Variants in KIAA1958 observed in about 807,000 individuals in gnomAD.
KIAA1958 encodes uncharacterized protein KIAA1958.
A neutral mutation model predicts 47.2 loss-of-function variants in KIAA1958; 14 were observed. The observed-to-expected ratio is 0.30, with a 90% CI of 0.20 to 0.46. The LOEUF is 0.46. KIAA1958 is among the 20% of genes least tolerant of loss of function. The probability of loss-of-function intolerance (pLI) is 1.00; values close to 1 mark genes in which losing one functional copy is unlikely to be tolerated. For missense variants in KIAA1958, 803 were observed against 909.2 expected, an observed-to-expected ratio of 0.88 and a Z score of 1.50; for synonymous variants, 354 against 353.3, an observed-to-expected ratio of 1.00 and a Z score of -0.02.
chr9:112,653,258 G>A (rs1427928385), intron 3 of KIAA1958, among the ~76,000 whole-genome samples: 1 of 152,138 alleles, frequency 6.6e-6, no homozygotes, highest in African/African-American at 2.4e-5. Flanking sequence ...AAGGTCTTAT[G>A]GTTTCTAGTT....
intron 3 of KIAA1958, among the ~76,000 whole-genome samples, chr9:112,652,576 G>C (rs947561543): frequency 6.6e-6 from 1 of 152,118 alleles, no homozygotes. Context: ...AGCTTGGTTC[G>C]CCTGGCACTA....
chr9:112,643,547 T>TG (rs1833632564), intron 2 of KIAA1958, among the ~76,000 whole-genome samples: 1 of 152,196 alleles, frequency 6.6e-6, no homozygotes, highest in Non-Finnish European at 1.5e-5. Flanking sequence ...TCCAGGTTGA[T>TG]GGGGTGGTGA....
intron 1 of KIAA1958, among the ~76,000 whole-genome samples, chr9:112,500,891 T>A (rs150727015): frequency 2.0e-5 from 3 of 151,978 alleles, no homozygotes; most frequent in Non-Finnish European, 4.4e-5. Context: ...GGAGGATTGC[T>A]TGATCCCAGG....
intron 1 of KIAA1958, among the ~76,000 whole-genome samples, chr9:112,505,368 A>G (rs1190807897): frequency 6.6e-6 from 1 of 152,212 alleles, no homozygotes; most frequent in Non-Finnish European, 1.5e-5. Context: ...AAATGAGTAT[A>G]ATACTAAGTA....
intron 2 of KIAA1958, chr9:112,617,950 T>C (rs1483943256): frequency 3.9e-6 from 6 of 1,550,448 alleles, no homozygotes; most frequent in Admixed American, 2.0e-5. Context: ...CGCTCCGCAA[T>C]TTCCGTGAGT....
chr9:112,629,188 G>A (rs1836668269), intron 2 of KIAA1958, among the ~76,000 whole-genome samples: 1 of 151,970 alleles, frequency 6.6e-6, no homozygotes, highest in Non-Finnish European at 1.5e-5. Flanking sequence ...TTAAGGCCAG[G>A]CATCTGCTTG....
chr9:112,549,523 T>C (rs574311126), intron 1 of KIAA1958, among the ~76,000 whole-genome samples: 2 of 152,330 alleles, frequency 1.3e-5, no homozygotes, highest in East Asian at 3.9e-4. Context: ...TCCACAAGTA[T>C]TTATTGATGC....
intron 1 of KIAA1958, among the ~76,000 whole-genome samples, chr9:112,506,508 T>G (rs1469297403): frequency 2.0e-5 from 3 of 152,274 alleles, no homozygotes; most frequent in Non-Finnish European, 4.4e-5. Flanking sequence ...TTCATGGTAA[T>G]TAAGGATAAT....
chr9:112,554,270 C>T (rs1386469592), intron 1 of KIAA1958, among the ~76,000 whole-genome samples: 2 of 152,046 alleles, frequency 1.3e-5, no homozygotes, highest in Non-Finnish European at 2.9e-5. Context: ...GAGGCCGAGG[C>T]GGGCGGATCA....
chr9:112,493,312 G>T (rs1396467127), intron 1 of KIAA1958, among the ~76,000 whole-genome samples: 2 of 152,054 alleles, frequency 1.3e-5, no homozygotes, highest in Non-Finnish European at 2.9e-5. Flanking sequence ...TACTACGACT[G>T]GATATATTCA....
intron 2 of KIAA1958, among the ~76,000 whole-genome samples, chr9:112,643,674 G>C (rs1285526586): frequency 6.6e-6 from 1 of 152,104 alleles, no homozygotes; most frequent in Non-Finnish European, 1.5e-5. Context: ...GCAGGATCAA[G>C]ATTGAAAGCA....
At chr9:112,497,623 A>G (rs1438099588) in intron 1 of KIAA1958, among the ~76,000 whole-genome samples, 2 of 152,054 alleles carry the variant, frequency 1.3e-5, no homozygotes, top group East Asian at 1.9e-4. Flanking sequence ...TCTTATTCAG[A>G]TTTCCAGTTT....
chr9:112,572,005 A>G (rs890435779), intron 1 of KIAA1958, among the ~76,000 whole-genome samples: 2 of 151,704 alleles, frequency 1.3e-5, no homozygotes, highest in Non-Finnish European at 2.9e-5. Flanking sequence ...TAGTCCTGGC[A>G]TTGTAGGCTT....
At chr9:112,576,410 G>A (rs1835646956) in intron 2 of KIAA1958, among the ~76,000 whole-genome samples, 1 of 152,028 alleles carries the variant, frequency 6.6e-6, no homozygotes, top group African/African-American at 2.4e-5. Context: ...AGTTCAGTGG[G>A]TTTTGGTGTA....
At chr9:112,546,518 C>T (rs976941028) in intron 1 of KIAA1958, among the ~76,000 whole-genome samples, 1 of 151,904 alleles carries the variant, frequency 6.6e-6, no homozygotes, top group Non-Finnish European at 1.5e-5. Flanking sequence ...ACTCTGTTGC[C>T]CAGGCTGGAG....
chr9:112,634,686 C>T (rs1247817817), intron 2 of KIAA1958, among the ~76,000 whole-genome samples: 1 of 152,160 alleles, frequency 6.6e-6, no homozygotes, highest in Non-Finnish European at 1.5e-5. Context: ...GATAAATGTA[C>T]CACAACATCT....
intron 1 of KIAA1958, among the ~76,000 whole-genome samples, chr9:112,558,081 C>T (rs902643934): frequency 4.6e-5 from 7 of 151,896 alleles, no homozygotes; most frequent in Middle Eastern, 3.2e-3. Context: ...AAAAATTAGC[C>T]GGGCATCGTG....
At chr9:112,620,582 C>G (rs1349067054) in intron 2 of KIAA1958, among the ~76,000 whole-genome samples, 1 of 152,102 alleles carries the variant, frequency 6.6e-6, no homozygotes, top group Non-Finnish European at 1.5e-5. Flanking sequence ...GACTTTGTGT[C>G]GTGGAGTTAA....
intron 3 of KIAA1958, among the ~76,000 whole-genome samples, chr9:112,649,669 C>T (rs1479563774): frequency 6.6e-6 from 1 of 152,072 alleles, no homozygotes; most frequent in African/African-American, 2.4e-5. Context: ...CAACAGATTT[C>T]TCATTAGAAA....
Sources: gnomAD v4.1 joint callset for allele counts (sites outside exome capture counted in the v4.1 genomes callset) on GRCh38, gnomAD v4.1.1 for gene constraint, MANE v1.5 for transcripts, NCBI Gene and HGNC (gene_info 2026-07-23, HGNC 2026-07-21) for gene names.